The following RASAL2 variants were observed in gnomAD, a reference collection of about 807,000 sequenced individuals.
RASAL2 encodes the protein ras GTPase-activating protein nGAP.
RASAL2 carries 58 observed loss-of-function variants against 128.9 expected under a neutral mutation model. The observed-to-expected ratio is 0.45, with a 90% CI of 0.36 to 0.56. The LOEUF (loss-of-function observed/expected upper bound fraction) is 0.56, where lower values mean the gene tolerates loss of function less well. Among genes scored for constraint, RASAL2 ranks in the 20% least tolerant of loss-of-function variants. The pLI is 0.00. For synonymous variants in RASAL2, 561 were observed against 580.8 expected (o/e 0.97, Z 0.49); for missense variants, 1,360 against 1,601.6 (o/e 0.85, Z 2.57).
intron 3 of RASAL2, among the ~76,000 whole-genome samples, chr1:178,334,456 A>G (rs1034291604): frequency 6.6e-6 from 1 of 151,636 alleles, no homozygotes; most frequent in African/African-American, 2.4e-5. Context: ...CTCCTGCCTC[A>G]GCCTCCCAAG....
intron 3 of RASAL2, among the ~76,000 whole-genome samples, chr1:178,302,662 C>T (rs1451230868): frequency 6.6e-6 from 1 of 152,132 alleles, no homozygotes; most frequent in Admixed American, 6.6e-5. Context: ...TTCTAAAATT[C>T]ATCTCGAAAT....
chr1:178,398,426 T>C (rs141562682), intron 4 of RASAL2, among the ~76,000 whole-genome samples: 221 of 152,368 alleles, frequency 1.5e-3, no homozygotes, highest in African/African-American at 5.2e-3. Context: ...GTATTTTTAA[T>C]ACAGTCCACC....
chr1:178,408,493 CTTTAG>C (rs1411372283), intron 4 of RASAL2, among the ~76,000 whole-genome samples: 1 of 151,944 alleles, frequency 6.6e-6, no homozygotes, highest in Non-Finnish European at 1.5e-5. Context: ...TTTGATTTTA[CTTTAG>C]TTTAATTATA....
At chr1:178,095,831 T>TG (rs1225385233) in intron 1 of RASAL2, among the ~76,000 whole-genome samples, 2 of 152,158 alleles carry the variant, frequency 1.3e-5, no homozygotes, top group African/African-American at 4.8e-5. Flanking sequence ...CTATGGGATT[T>TG]GGGGCAGATC....
chr1:178,451,299 T>C (rs445065), intron 9 of RASAL2, among the ~76,000 whole-genome samples: 4 of 152,194 alleles, frequency 2.6e-5, no homozygotes, highest in Non-Finnish European at 5.9e-5. Flanking sequence ...TTTTGAGTAG[T>C]ATCATTACCA....
rs763952814 is a variant in RASAL2, at chr1:178,470,719, A to G, written c.3679-2356A>G. 7 of 1,365,802 alleles carry G rather than the reference A, an allele frequency of 5.1e-6. No individual in the cohort carries two copies. In the African/African-American group the frequency reaches 8.9e-5, roughly 17 times the overall value. 84.6% of individuals were successfully genotyped at this position (1,365,802 alleles called of 1,614,324 possible). A position where few individuals can be genotyped will look rare whatever the true frequency, so the allele number is the denominator to read the frequency against. The stretch of plus-strand genomic sequence containing the variant: ...TCATAAATGGAGATGAGATTATTCA[A>G]ACAGGCAAGTAAACCCCGCGTCCGT... On this transcript the variant is annotated intron_variant, in intron 17 of 17. Transcript: ENST00000367649.
intron 3 of RASAL2, among the ~76,000 whole-genome samples, chr1:178,352,492 G>T (rs1571910678): frequency 1.3e-5 from 2 of 152,176 alleles, no homozygotes; most frequent in African/African-American, 4.8e-5. Context: ...TCAGAGGTCA[G>T]CCCATGTGCT....
At position 178,094,558 on chromosome 1, in the gene RASAL2, G is replaced by T; in HGVS notation, c.66G>T (p.Ala22=). The change falls in exon 1 of 18, where the codon GCG becomes GCT. Residue 22 remains alanine (A), a synonymous_variant. Coordinates refer to ENST00000367649, the MANE Select transcript of RASAL2 (RefSeq NM_170692.4). ...EALSWPEMFP[A]LESDSPLPPE... The stretch of plus-strand genomic sequence containing the variant: ...TGTCCTGGCCGGAGATGTTCCCGGC[G>T]CTGGAGTCCGACTCGCCGCTGCCCC... 6.3e-7 allele frequency: 1 copy of T among 1,594,810 alleles called. No homozygotes were observed. Among genetic ancestry groups the T allele is most frequent in the Non-Finnish European group, 8.5e-7 (1 of 1,170,986 alleles).
intron 1 of RASAL2, among the ~76,000 whole-genome samples, chr1:178,225,794 G>A (rs916475381): frequency 1.3e-4 from 19 of 151,480 alleles, no homozygotes; most frequent in African/African-American, 4.6e-4. Context: ...CTGTATATAT[G>A]TATATGCTAA....
intron 1 of RASAL2, among the ~76,000 whole-genome samples, chr1:178,180,485 C>CAAAAAAAAAAAAAAAAAAAAAAAAAAAAA (rs71108033): frequency 1.4e-5 from 1 of 72,562 alleles, no homozygotes; most frequent in African/African-American, 5.2e-5. Flanking sequence ...TCATCTCTAC[C>CAAAAAAAAAAAAAAAAAAAAAAAAAAAAA]AAAAAAAAAA....
chr1:178,311,529 T>G (rs1459467312), intron 3 of RASAL2, among the ~76,000 whole-genome samples: 1 of 151,622 alleles, frequency 6.6e-6, no homozygotes, highest in Non-Finnish European at 1.5e-5. Context: ...AGACTCCAAG[T>G]ATACTCTTTG....
chr1:178,320,696 A>G (rs1160044521), intron 3 of RASAL2, among the ~76,000 whole-genome samples: 1 of 151,728 alleles, frequency 6.6e-6, no homozygotes, highest in Non-Finnish European at 1.5e-5. Flanking sequence ...ACTGTCTGGC[A>G]CTCCCTAGTG....
chr1:178,253,279 T>C (rs548360024), intron 1 of RASAL2, among the ~76,000 whole-genome samples: 1 of 152,278 alleles, frequency 6.6e-6, no homozygotes, highest in South Asian at 2.1e-4. Flanking sequence ...GGTGATTAGA[T>C]TTCAGACTCA....
intron 1 of RASAL2, among the ~76,000 whole-genome samples, chr1:178,281,265 C>G (rs1339340525): frequency 6.6e-6 from 1 of 151,806 alleles, no homozygotes; most frequent in Non-Finnish European, 1.5e-5. Context: ...AAGCATTGCT[C>G]TCTATTTCAT....
At chr1:178,449,168 C>T (rs1302232303) in intron 9 of RASAL2, among the ~76,000 whole-genome samples, 1 of 152,152 alleles carries the variant, frequency 6.6e-6, no homozygotes, top group Non-Finnish European at 1.5e-5. Context: ...TGTACGATAT[C>T]TGTCTGCTTC....
chr1:178,219,632 G>T (rs1446839333), intron 1 of RASAL2, among the ~76,000 whole-genome samples: 1 of 108,674 alleles, frequency 9.2e-6, no homozygotes, highest in African/African-American at 3.4e-5. Flanking sequence ...TCTGCCTCAG[G>T]AAAAAAAAAA....
intron 3 of RASAL2, among the ~76,000 whole-genome samples, chr1:178,373,042 AATTTG>A (rs1243436852): frequency 2.6e-5 from 4 of 151,864 alleles, no homozygotes; most frequent in Non-Finnish European, 4.4e-5. Flanking sequence ...CTTTCTTATA[AATTTG>A]ATTTATCTTC....
chr1:178,161,311 T>A (rs183373002), intron 1 of RASAL2, among the ~76,000 whole-genome samples: 1 of 152,294 alleles, frequency 6.6e-6, no homozygotes. Flanking sequence ...AACCACTAAT[T>A]TACTTTCTGT....
At chr1:178,372,162 A>G in intron 3 of RASAL2, 1 of 985,340 alleles carries the variant, frequency 1.0e-6, no homozygotes, top group Non-Finnish European at 1.2e-6. Flanking sequence ...ACCCCCAAGA[A>G]TTTAGTCTCT....
Sources: allele counts gnomAD v4.1 joint callset (sites outside exome capture counted in the v4.1 genomes callset), GRCh38; gene constraint gnomAD v4.1.1; transcripts MANE v1.5; gene names NCBI Gene and HGNC (gene_info 2026-07-23, HGNC 2026-07-21).